The following CNTN5 variants were observed in gnomAD, a reference collection of about 807,000 sequenced individuals.
The protein encoded by CNTN5 is contactin 5.
In CNTN5, 77 loss-of-function variants were observed where a neutral mutation model predicts 129.1. The observed-to-expected ratio is 0.60, with a 90% CI of 0.50 to 0.72. The LOEUF is 0.72. Among genes scored for constraint, CNTN5 ranks in the 30% least tolerant of loss-of-function variants. The pLI is 0.00. For synonymous variants in CNTN5, 509 were observed against 465.6 expected, an observed-to-expected ratio of 1.09 and a Z score of -1.20; for missense variants, 1,478 against 1,328.8, an observed-to-expected ratio of 1.11 and a Z score of -1.75.
chr11:99,289,826 A>G (rs192813209), intron 1 of CNTN5, among the ~76,000 whole-genome samples: 1 of 151,898 alleles, frequency 6.6e-6, no homozygotes, highest in Non-Finnish European at 1.5e-5. Flanking sequence ...TTTTCTCATC[A>G]TTAAATTTGG....
rs1040925220 is a variant in CNTN5 at position 99,832,115 on chromosome 11, G to A, written c.277+12350G>A. Among the ~76,000 whole-genome samples, 2 of 152,092 alleles carry A rather than the reference G, an allele frequency of 1.3e-5. 1 individual carries two copies. The highest frequency in any genetic ancestry group is 1.3e-4 in the Admixed American group (2 of 15,254). ...TTATGAGTTGTCTCCGCTGCTTTAT[G>A]ACCCATTTTGGACTCGAGTAAGAAA... On this transcript the variant is annotated intron_variant, in intron 4 of 24. Coordinates refer to ENST00000524871, the MANE Select transcript of CNTN5 (RefSeq NM_014361.4).
At chr11:99,276,925 T>C (rs1863464555) in intron 1 of CNTN5, among the ~76,000 whole-genome samples, 1 of 151,626 alleles carries the variant, frequency 6.6e-6, no homozygotes. Context: ...ATAATTAGGA[T>C]TATTGCAAAA....
chr11:99,859,437 G>T (rs1948139933), intron 6 of CNTN5, among the ~76,000 whole-genome samples: 1 of 152,098 alleles, frequency 6.6e-6, no homozygotes, highest in Admixed American at 6.5e-5. Context: ...CTGAGGTTTG[G>T]GTTACGGGTG....
intron 1 of CNTN5, among the ~76,000 whole-genome samples, chr11:99,307,254 A>G (rs540886577): frequency 6.6e-6 from 1 of 152,282 alleles, no homozygotes; most frequent in African/African-American, 2.4e-5. Flanking sequence ...TTCAAGTTAA[A>G]TATTCTTTCT....
chr11:99,556,241 G>T lies in CNTN5; in HGVS notation c.27G>T (p.Leu9=). Residue 9 remains leucine, a synonymous_variant, in exon 3 of 25, where the codon CTG becomes CTT. Transcript: ENST00000524871. MASSWKLM[L]FLSVTMCLSE... ...TGGCTTCCTCTTGGAAACTAATGCTGTTTCTGTCAGTCACCATGTGTCTTT... is the reference window on the plus strand; with the variant it reads ...TGGCTTCCTCTTGGAAACTAATGCTTTTTCTGTCAGTCACCATGTGTCTTT... 1 of 1,528,612 alleles carries T rather than the reference G, an allele frequency of 6.5e-7. No homozygotes were observed. The highest frequency in any genetic ancestry group is 8.8e-7 in the Non-Finnish European group (1 of 1,131,914). 94.7% of individuals were successfully genotyped at this position (1,528,612 alleles called of 1,614,324 possible).
At chr11:99,214,400 A>AAT (rs10557139) in intron 1 of CNTN5, among the ~76,000 whole-genome samples, 9,668 of 146,916 alleles carry the variant, frequency 0.066, 836 homozygotes, top group East Asian at 0.37. Flanking sequence ...TATATAAATA[A>AAT]ATATATATAT....
chr11:99,951,188 G>T (rs1043238109), intron 7 of CNTN5, among the ~76,000 whole-genome samples: 1 of 151,444 alleles, frequency 6.6e-6, no homozygotes, highest in African/African-American at 2.4e-5. Flanking sequence ...GAAGTCCATG[G>T]TCTTACTCAA....
At chr11:99,852,144 A>G (rs1947893050) in intron 6 of CNTN5, among the ~76,000 whole-genome samples, 6 of 152,176 alleles carry the variant, frequency 3.9e-5, no homozygotes, top group Admixed American at 3.9e-4. Context: ...TTTATCTTCC[A>G]TATACAAATG....
chr11:100,035,755 T>G (rs1316061728), intron 9 of CNTN5, among the ~76,000 whole-genome samples: 1 of 151,534 alleles, frequency 6.6e-6, no homozygotes, highest in African/African-American at 2.4e-5. Context: ...GTTTTTTGGC[T>G]GCATAAATGT....
At chr11:100,284,961 T>C (rs1334560727) in intron 18 of CNTN5, among the ~76,000 whole-genome samples, 3 of 152,214 alleles carry the variant, frequency 2.0e-5, no homozygotes, top group Non-Finnish European at 2.9e-5. Flanking sequence ...AGGGTGGACA[T>C]AGGCAGGAAG....
intron 8 of CNTN5, among the ~76,000 whole-genome samples, chr11:99,968,668 T>G (rs1408273331): frequency 3.8e-5 from 5 of 131,350 alleles, no homozygotes; most frequent in South Asian, 5.0e-4. Context: ...TTTTTTTTTT[T>G]TTTTTTTTTT....
intron 1 of CNTN5, among the ~76,000 whole-genome samples, chr11:99,136,079 C>T (rs1038473872): frequency 2.0e-5 from 3 of 151,982 alleles, no homozygotes; most frequent in Admixed American, 2.0e-4. Context: ...TTCCTTTTGC[C>T]TTCTTCTTGT....
intron 6 of CNTN5, among the ~76,000 whole-genome samples, chr11:99,898,338 G>C (rs886334026): frequency 2.0e-5 from 3 of 151,950 alleles, no homozygotes; most frequent in Non-Finnish European, 2.9e-5. Flanking sequence ...AAAAAAAAGA[G>C]AGAAGATTCA....
intron 2 of CNTN5, among the ~76,000 whole-genome samples, chr11:99,524,713 G>C (rs1947418716): frequency 6.6e-6 from 1 of 151,834 alleles, no homozygotes; most frequent in Non-Finnish European, 1.5e-5. Flanking sequence ...TTAGGAACAA[G>C]AATTGTGTGA....
intron 3 of CNTN5, among the ~76,000 whole-genome samples, chr11:99,787,121 T>C (rs1945558362): frequency 6.7e-6 from 1 of 150,108 alleles, no homozygotes; most frequent in African/African-American, 2.4e-5. Flanking sequence ...TATTTATTTA[T>C]TATTATTATT....
At chr11:100,324,187 A>T (rs1036029557) in intron 21 of CNTN5, among the ~76,000 whole-genome samples, 6 of 152,158 alleles carry the variant, frequency 3.9e-5, no homozygotes, top group African/African-American at 1.4e-4. Context: ...TAGTAGCAGT[A>T]ACAAATAGAT....
At chr11:99,309,104 T>G (rs1019458074) in intron 1 of CNTN5, among the ~76,000 whole-genome samples, 2 of 152,160 alleles carry the variant, frequency 1.3e-5, no homozygotes, top group African/African-American at 4.8e-5. Flanking sequence ...TTCTGCTAAC[T>G]ACAACATCAG....
intron 15 of CNTN5, among the ~76,000 whole-genome samples, chr11:100,205,056 AT>A (rs1948885509): frequency 6.6e-6 from 1 of 152,012 alleles, no homozygotes; most frequent in Non-Finnish European, 1.5e-5. Flanking sequence ...AAGGTTTAGG[AT>A]TTATATAAGC....
At chr11:99,473,479 A>G (rs960181529) in intron 2 of CNTN5, among the ~76,000 whole-genome samples, 1 of 152,130 alleles carries the variant, frequency 6.6e-6, no homozygotes, top group Admixed American at 6.5e-5. Flanking sequence ...AACAAGAATA[A>G]TTTGCATTTG....
Sources: allele counts gnomAD v4.1 joint callset (sites outside exome capture counted in the v4.1 genomes callset), GRCh38; gene constraint gnomAD v4.1.1; transcripts MANE v1.5; gene names NCBI Gene and HGNC (gene_info 2026-07-23, HGNC 2026-07-21).